Variants in RORA observed in about 807,000 individuals in gnomAD.
The protein encoded by RORA is nuclear receptor ROR-alpha.
RORA carries 7 observed loss-of-function variants against 69.5 expected under a neutral mutation model. The ratio of observed to expected loss-of-function variants is 0.10; its 90% CI spans 0.06 to 0.19. RORA has a LOEUF of 0.19. RORA is among the 10% of genes least tolerant of loss of function. RORA has a pLI of 1.00. For synonymous variants in RORA, 261 were observed against 240.8 expected, an observed-to-expected ratio of 1.08 and a Z score of -0.78; for missense variants, 457 against 663.0, an observed-to-expected ratio of 0.69 and a Z score of 3.41.
intron 1 of RORA, among the ~76,000 whole-genome samples, chr15:60,946,741 G>A (rs1017440286): frequency 1.1e-4 from 16 of 151,980 alleles, no homozygotes; most frequent in African/African-American, 3.1e-4. Flanking sequence ...CGTCTGGGAT[G>A]TGAGGAGCCC....
chr15:60,521,704 A>G (rs566174283), intron 3 of RORA, among the ~76,000 whole-genome samples: 4 of 152,312 alleles, frequency 2.6e-5, no homozygotes, highest in Admixed American at 2.6e-4. Flanking sequence ...CTGGGACTCA[A>G]TCTCTTGTCC....
chr15:60,617,587 A>T, intron 2 of RORA, among the ~76,000 whole-genome samples: 1 of 151,938 alleles, frequency 6.6e-6, no homozygotes, highest in South Asian at 2.1e-4. Flanking sequence ...ATGATGAGCT[A>T]TATTAATCAG....
intron 1 of RORA, among the ~76,000 whole-genome samples, chr15:60,823,841 T>C (rs1157335563): frequency 1.3e-5 from 2 of 152,114 alleles, no homozygotes; most frequent in Non-Finnish European, 2.9e-5. Flanking sequence ...TGGCCATAAG[T>C]GTGGCTTCGC....
chr15:61,223,830 T>C (rs1054477018), intron 1 of RORA, among the ~76,000 whole-genome samples: 5 of 152,206 alleles, frequency 3.3e-5, no homozygotes, highest in African/African-American at 7.2e-5. Flanking sequence ...CTGGCACCCT[T>C]AGAGAAAAAT....
chr15:60,926,087 G>A (rs1424418581), intron 1 of RORA, among the ~76,000 whole-genome samples: 6 of 152,110 alleles, frequency 3.9e-5, no homozygotes, highest in Non-Finnish European at 7.4e-5. Context: ...TATATGAGGG[G>A]CCAGAAAAGA....
At chr15:60,539,030 T>C (rs2066774002) in intron 2 of RORA, among the ~76,000 whole-genome samples, 1 of 113,102 alleles carries the variant, frequency 8.8e-6, no homozygotes, top group Non-Finnish European at 2.1e-5. Context: ...CACACACTCC[T>C]CAAACCATCA....
rs922570976 is a variant in RORA, at chr15:61,097,867, G to T, written c.166+131186C>A. Among the ~76,000 whole-genome samples the T allele has an allele frequency of 3.9e-5, 6 of 152,110 alleles. No homozygotes were observed. The South Asian group carries it at 6.2e-4, about 16-fold the overall frequency. On this transcript the variant is annotated intron_variant, in intron 1 of 10. Coordinates refer to ENST00000335670, the MANE Select transcript of RORA (RefSeq NM_134261.3). The stretch of plus-strand genomic sequence containing the variant: ...ATTTCAGTCTGCACAAGAATGCTTG[G>T]CCTTTTAATTCCAACTTCACAGTTG...
intron 1 of RORA, among the ~76,000 whole-genome samples, chr15:61,007,138 G>A (rs1246492159): frequency 6.6e-6 from 1 of 151,976 alleles, no homozygotes; most frequent in African/African-American, 2.4e-5. Flanking sequence ...GAACACCATT[G>A]GAGTTCTTGC....
At chr15:60,881,073 C>CA (rs1234990199) in intron 1 of RORA, among the ~76,000 whole-genome samples, 1 of 152,214 alleles carries the variant, frequency 6.6e-6, no homozygotes, top group African/African-American at 2.4e-5. Flanking sequence ...GAGATGAAAA[C>CA]AATGCTCTGT....
intron 1 of RORA, among the ~76,000 whole-genome samples, chr15:60,792,352 C>T (rs1050452083): frequency 6.6e-6 from 1 of 152,062 alleles, no homozygotes; most frequent in Non-Finnish European, 1.5e-5. Context: ...TAGCAAGTTC[C>T]AGAAGAACAG....
Position 60,531,753 on chromosome 15 carries a change from T to TA in RORA, c.282+12dup. On this transcript the variant is annotated intron_variant, in intron 3 of 10. Transcript: ENST00000335670. The surrounding 1 kb of genome is among the most constrained non-coding windows in gnomAD (Gnocchi z 4.8). The stretch of plus-strand genomic sequence containing the variant: ...AAACATTAATAGAAACAACAACAAT[T>TA]AAAAAGGCTTACCTTGCAGCCTTCA... 1 of 1,443,950 alleles carries TA rather than the reference T, an allele frequency of 6.9e-7. No individual in the cohort carries two copies. Among genetic ancestry groups the TA allele is most frequent in the Admixed American group, 2.0e-5 (1 of 50,694 alleles). 89.4% of individuals were successfully genotyped at this position (1,443,950 alleles called of 1,614,324 possible). A position where few individuals can be genotyped will look rare whatever the true frequency, so the allele number is the denominator to read the frequency against.
intron 1 of RORA, among the ~76,000 whole-genome samples, chr15:61,228,305 T>C (rs1483687804): frequency 2.0e-5 from 3 of 152,086 alleles, no homozygotes; most frequent in African/African-American, 7.2e-5. Context: ...CCCGCCAGCC[T>C]GGGCGCCGGG....
intron 1 of RORA, among the ~76,000 whole-genome samples, chr15:60,990,556 A>G (rs1894342046): frequency 6.6e-6 from 1 of 152,218 alleles, no homozygotes; most frequent in African/African-American, 2.4e-5. Flanking sequence ...TATCATGAAT[A>G]TTCTTCAGGA....
chr15:60,708,645 T>C (rs1250521418), intron 1 of RORA, among the ~76,000 whole-genome samples: 1 of 152,206 alleles, frequency 6.6e-6, no homozygotes, highest in African/African-American at 2.4e-5. Context: ...AGGCTCTTCA[T>C]AGAAATCCTA....
chr15:60,830,303 C>A (rs1490001659), intron 1 of RORA, among the ~76,000 whole-genome samples: 1 of 152,184 alleles, frequency 6.6e-6, no homozygotes, highest in South Asian at 2.1e-4. Context: ...ATCTCACAAA[C>A]TCTGTTAACA....
chr15:60,851,981 G>C (rs2073330263), intron 1 of RORA, among the ~76,000 whole-genome samples: 1 of 152,154 alleles, frequency 6.6e-6, no homozygotes, highest in South Asian at 2.1e-4. Flanking sequence ...AGGTATCCAT[G>C]TGTGCCCACA....
chr15:61,183,864 T>A (rs529304802), intron 1 of RORA, among the ~76,000 whole-genome samples: 7 of 152,262 alleles, frequency 4.6e-5, no homozygotes, highest in Middle Eastern at 3.4e-3. Flanking sequence ...ATGTCCTCCT[T>A]TCATACCTCT....
intron 1 of RORA, among the ~76,000 whole-genome samples, chr15:60,965,130 C>T (rs1893517691): frequency 1.3e-5 from 2 of 152,080 alleles, no homozygotes; most frequent in African/African-American, 2.4e-5. Flanking sequence ...AATGAAGATA[C>T]CTTCTTAGTC....
At chr15:60,501,141 T>C in intron 8 of RORA, 72 bp from the exon 9 acceptor site, 1 of 751,114 alleles carries the variant, frequency 1.3e-6, no homozygotes. Context: ...GGTCTTAGGT[T>C]TTCCTAAGGT....
Sources: allele counts gnomAD v4.1 joint callset (sites outside exome capture counted in the v4.1 genomes callset), GRCh38; gene constraint gnomAD v4.1.1; non-coding constraint Gnocchi (gnomAD v3.1); transcripts MANE v1.5; gene names NCBI Gene and HGNC (gene_info 2026-07-23, HGNC 2026-07-21).